SFI1: variants seen among roughly 807,000 people sequenced by gnomAD.
SFI1 encodes protein SFI1 homolog.
In SFI1, 195 loss-of-function variants were observed where a neutral mutation model predicts 207.5. That is an observed-to-expected ratio of 0.94 (90% CI 0.84 to 1.06). The LOEUF is 1.06. Among genes scored for constraint, SFI1 ranks in the 50% least tolerant of loss-of-function variants. The pLI is 0.00. For missense variants in SFI1, 1,634 were observed against 1,588.0 expected, an observed-to-expected ratio of 1.03 and a Z score of -0.49; for synonymous variants, 630 against 598.9, an observed-to-expected ratio of 1.05 and a Z score of -0.76.
chr22:31,611,914 A>C (rs1457007249), intron 24 of SFI1, 74 bp downstream of exon 24: 1 of 1,586,864 alleles, frequency 6.3e-7, no homozygotes, highest in Non-Finnish European at 8.6e-7. Flanking sequence ...GCAGTGAATG[A>C]CCTTCAGCCT....
intron 1 of SFI1, among the ~76,000 whole-genome samples, chr22:31,497,515 GTTC>G (rs2052897218): frequency 6.6e-6 from 1 of 152,122 alleles, no homozygotes; most frequent in Admixed American, 6.6e-5. Context: ...CTACCTGCCA[GTTC>G]CCTGTTTCTC....
chr22:31,566,120 A>AT (rs59506981), intron 8 of SFI1, among the ~76,000 whole-genome samples: 30,962 of 139,440 alleles, frequency 0.22, 3,578 homozygotes, highest in East Asian at 0.37. Flanking sequence ...TTCTTTTTCT[A>AT]TTTTTTTTTT....
intron 15 of SFI1, among the ~76,000 whole-genome samples, chr22:31,599,646 T>C (rs567393598): frequency 5.9e-5 from 9 of 152,050 alleles, no homozygotes; most frequent in Admixed American, 3.9e-4. Context: ...AATTTTTTTT[T>C]CTAATTTTTT....
chr22:31,580,220 A>C (rs369175660), intron 11 of SFI1, 52 bp from the exon 12 acceptor site: 43 of 1,449,856 alleles, frequency 3.0e-5, no homozygotes, highest in Middle Eastern at 1.7e-4. Flanking sequence ...CTTAGTTTAC[A>C]GACTCTACTG....
At chr22:31,555,137 C>CTTATA (rs78468977) in intron 6 of SFI1, among the ~76,000 whole-genome samples, 54,585 of 151,590 alleles carry the variant, frequency 0.36, 10,752 homozygotes, top group African/African-American at 0.52. Flanking sequence ...ATTCTGCTGT[C>CTTATA]TTATTTATAG....
intron 3 of SFI1, among the ~76,000 whole-genome samples, chr22:31,530,079 G>A (rs1296781989): frequency 7.0e-6 from 1 of 143,646 alleles, no homozygotes; most frequent in African/African-American, 2.5e-5. Flanking sequence ...AGCTGAGGCA[G>A]GAGAATGGCG....
At chr22:31,543,987 A>G (rs5753684) in intron 4 of SFI1, among the ~76,000 whole-genome samples, 45,402 of 151,904 alleles carry the variant, frequency 0.3, 7,474 homozygotes, top group African/African-American at 0.44. Flanking sequence ...TCAGGAGTGC[A>G]AGACCAGCAT....
Position 31,604,282 on chromosome 22 carries a change from G to A in SFI1, c.1882-27G>A, listed in dbSNP as rs569006285. 5.8e-5 allele frequency: 90 copies of A among 1,549,214 alleles called. No homozygotes were observed. The South Asian group carries it at 8.8e-4, about 15-fold the overall frequency. On this transcript the variant is annotated intron_variant, in intron 18 of 32. Coordinates refer to ENST00000400288, the MANE Select transcript of SFI1 (RefSeq NM_001007467.3). ...ACCCCCAACTCAGACCCCAGCCCAC[G>A]GTAGCTGCTTTCTCCTCTGTCTGCA...
rs60447566 is a variant in SFI1 at position 31,568,531 on chromosome 22, CAAAAAAAAAA to C, written c.766-4511_766-4502del. Among the ~76,000 whole-genome samples the C allele has an allele frequency of 1.9e-4, 7 of 37,430 alleles. No individual in the cohort carries two copies. The East Asian group carries it at 5.8e-3, about 31-fold the overall frequency. 24.6% of individuals were successfully genotyped at this position (37,430 alleles called of 152,430 possible). Reference sequence around the variant, plus strand: ...TGGGCGACAGGGTGAGACCCTGTCTCAAAAAAAAAAAAAAAAAAAAAAAAAGCATTAGAAG... The same window carrying C: ...TGGGCGACAGGGTGAGACCCTGTCTCAAAAAAAAAAAAAAAGCATTAGAAG... On this transcript the variant is annotated intron_variant, in intron 8 of 32. Coordinates refer to ENST00000400288, the MANE Select transcript of SFI1 (RefSeq NM_001007467.3).
rs1556369798 is a variant in SFI1, at chr22:31,612,398, A to AAAAAAT, written c.2490+559_2490+560insAAAATA. ...CTGTCTAAAAAAAAAAAAAAAAAAA[A>AAAAAAT]ATATATATATATATATATATATATA... On this transcript the variant is annotated intron_variant, in intron 24 of 32. Coordinates refer to ENST00000400288, the MANE Select transcript of SFI1 (RefSeq NM_001007467.3). 1.2e-3 allele frequency: 71 copies of AAAAAAT among 60,188 alleles called. 1 individual carries two copies. The highest frequency in any genetic ancestry group is 4.7e-3 in the African/African-American group (70 of 15,034). The allele number at this position is 60,188 out of a possible 1,614,324, so 3.7% of individuals were successfully genotyped here. A position where few individuals can be genotyped will look rare whatever the true frequency, so the allele number is the denominator to read the frequency against.
intron 4 of SFI1, among the ~76,000 whole-genome samples, chr22:31,545,579 A>ATTTTATTTT (rs1569269363): frequency 0.025 from 2,266 of 91,124 alleles, 18 homozygotes; most frequent in Middle Eastern, 0.048. Flanking sequence ...AATTTAATTT[A>ATTTTATTTT]ATTTAATTTT....
chr22:31,596,408 G>A (rs369991197), intron 15 of SFI1, among the ~76,000 whole-genome samples: 5 of 152,144 alleles, frequency 3.3e-5, no homozygotes, highest in African/African-American at 9.7e-5. Context: ...GCTGATGAAA[G>A]GACATCTCTT....
intron 5 of SFI1, 120 bp from the exon 6 acceptor site, chr22:31,550,134 G>T (rs1256558609): frequency 3.2e-6 from 2 of 628,668 alleles, no homozygotes; most frequent in Non-Finnish European, 5.6e-6. Context: ...TCACCATATC[G>T]GCCAGGCTGG....
At position 31,613,412 on chromosome 22, in the gene SFI1, AG is replaced by A; in HGVS notation, c.2625del (p.Gln875HisfsTer26). The A allele has an allele frequency of 6.2e-7, 1 of 1,610,912 alleles. No individual in the cohort carries two copies. The highest frequency in any genetic ancestry group is 8.5e-7 in the Non-Finnish European group (1 of 1,179,758). On this transcript the variant is annotated frameshift_variant, in exon 26 of 33. Transcript: ENST00000400288. LOFTEE classifies it high-confidence loss of function. ...LERRRKKARL[Q>X]WALQAYQGQL... ...AGGAGGAGAAAGAAGGCGCGGCTGC[AG>A]TGGGCGCTCCAGGCCTACCAGGGGC...
At chr22:31,618,005 T>A in intron 31 of SFI1, 110 bp from the exon 32 acceptor site, 1 of 1,259,254 alleles carries the variant, frequency 7.9e-7, no homozygotes, top group Non-Finnish European at 1.1e-6. Context: ...CCAGACCACC[T>A]CTCTCCACCC....
intron 12 of SFI1, among the ~76,000 whole-genome samples, chr22:31,582,636 G>A (rs1298685667): frequency 6.6e-6 from 1 of 152,028 alleles, no homozygotes; most frequent in Non-Finnish European, 1.5e-5. Flanking sequence ...TCAGTGACAT[G>A]TACATCCACA....
chr22:31,500,827 T>C (rs1309649221), intron 1 of SFI1, among the ~76,000 whole-genome samples: 1 of 149,640 alleles, frequency 6.7e-6, no homozygotes, highest in African/African-American at 2.5e-5. Flanking sequence ...TGAGTCTGAG[T>C]GTTGCTCTGT....
intron 2 of SFI1, among the ~76,000 whole-genome samples, chr22:31,512,407 C>T (rs563969068): frequency 1.3e-5 from 2 of 151,434 alleles, no homozygotes; most frequent in African/African-American, 4.8e-5. Flanking sequence ...ATCTATTTTG[C>T]TGATGGGCAT....
At chr22:31,509,021 T>C (rs2055091783) in intron 2 of SFI1, among the ~76,000 whole-genome samples, 2 of 152,230 alleles carry the variant, frequency 1.3e-5, no homozygotes, top group South Asian at 4.1e-4. Flanking sequence ...CACATGGTTT[T>C]TGTACATTTA....
Sources: allele counts gnomAD v4.1 joint callset (sites outside exome capture counted in the v4.1 genomes callset), GRCh38; gene constraint gnomAD v4.1.1; transcripts MANE v1.5; gene names NCBI Gene and HGNC (gene_info 2026-07-23, HGNC 2026-07-21).